Variants in KLHL32 observed in about 807,000 individuals in gnomAD.
KLHL32 encodes the protein kelch like family member 32.
A neutral mutation model predicts 64.8 loss-of-function variants in KLHL32; 35 were observed. That is an observed-to-expected ratio of 0.54 (90% CI 0.41 to 0.72). The LOEUF (loss-of-function observed/expected upper bound fraction) is 0.72. Ranked by LOEUF, KLHL32 falls within the 30% of genes least tolerant of loss-of-function variation. The probability of loss-of-function intolerance (pLI) is 0.00; values close to 1 mark genes in which losing one functional copy is unlikely to be tolerated. For missense variants in KLHL32, 589 were observed against 768.5 expected, an observed-to-expected ratio of 0.77 and a Z score of 2.76; for synonymous variants, 259 against 281.0, an observed-to-expected ratio of 0.92 and a Z score of 0.78.
chr6:97,028,588 A>G (rs1783065418), intron 3 of KLHL32, among the ~76,000 whole-genome samples: 1 of 152,090 alleles, frequency 6.6e-6, no homozygotes, highest in Non-Finnish European at 1.5e-5. Context: ...TCTAATCACA[A>G]CTGCTCAGTC....
intron 1 of KLHL32, among the ~76,000 whole-genome samples, chr6:96,957,958 GTACTTT>G (rs1407273936): frequency 2.0e-5 from 3 of 152,150 alleles, no homozygotes; most frequent in African/African-American, 7.2e-5. Flanking sequence ...AGAATACATT[GTACTTT>G]TACTTTATCT....
chr6:96,981,404 C>T (rs1409663802), intron 3 of KLHL32, among the ~76,000 whole-genome samples: 1 of 151,962 alleles, frequency 6.6e-6, no homozygotes, highest in Non-Finnish European at 1.5e-5. Context: ...GTAATATTCC[C>T]TTTTTCATTT....
chr6:96,904,923 C>A, the KLHL32 span, among the ~76,000 whole-genome samples: 6 of 152,206 alleles, frequency 3.9e-5, no homozygotes, highest in African/African-American at 1.4e-4. Context: ...CCCTTGCTCT[C>A]CATTCCCATT....
intron 6 of KLHL32, among the ~76,000 whole-genome samples, chr6:97,094,273 T>A (rs1442876106): frequency 6.6e-6 from 1 of 152,172 alleles, no homozygotes; most frequent in Non-Finnish European, 1.5e-5. Context: ...TAGGAGAGGA[T>A]GTAAATTTAC....
chr6:97,019,117 A>G (rs1781637777), intron 3 of KLHL32, among the ~76,000 whole-genome samples: 1 of 152,242 alleles, frequency 6.6e-6, no homozygotes, highest in African/African-American at 2.4e-5. Context: ...TATACTTGCA[A>G]TTGTAAAAAA....
chr6:96,915,512 T>C, the KLHL32 span, among the ~76,000 whole-genome samples: 1 of 152,134 alleles, frequency 6.6e-6, no homozygotes, highest in Non-Finnish European at 1.5e-5. Context: ...TCTTTGTGAT[T>C]CCCTCCTCAA....
chr6:97,075,005 G>A (rs1484930806), intron 5 of KLHL32, among the ~76,000 whole-genome samples: 1 of 151,954 alleles, frequency 6.6e-6, no homozygotes, highest in Non-Finnish European at 1.5e-5. Context: ...AGTTATTGTT[G>A]ACGGCTATGT....
At chr6:96,951,109 T>G (rs1200803339) in intron 1 of KLHL32, among the ~76,000 whole-genome samples, 1 of 151,838 alleles carries the variant, frequency 6.6e-6, no homozygotes, top group African/African-American at 2.4e-5. Context: ...TAAAACATGA[T>G]ATTTAAAATT....
chr6:97,109,564 A>G (rs1279673462), intron 6 of KLHL32, among the ~76,000 whole-genome samples: 1 of 152,200 alleles, frequency 6.6e-6, no homozygotes, highest in Admixed American at 6.5e-5. Flanking sequence ...GTTTTTCTTA[A>G]AAGCATAGCT....
In KLHL32 at chr6:97,085,303, G is replaced by T. The variant is rs1011483946; in HGVS notation, c.589G>T (p.Asp197Tyr). The T allele has an allele frequency of 6.2e-7, 1 of 1,612,884 alleles. No individual in the cohort carries two copies. The highest frequency in any genetic ancestry group is 8.5e-7 in the Non-Finnish European group (1 of 1,180,026). The change falls in exon 6 of 11, where the codon GAC becomes TAC. Residue 197 changes from aspartate (D) to tyrosine (Y), a missense_variant. Asp to Tyr is a radical substitution (Grantham distance 160, BLOSUM62 -3). Coordinates refer to ENST00000369261, the MANE Select transcript of KLHL32 (RefSeq NM_052904.4). ...CCTGCTTCAGGAGGTGCTGAAGAGCGACCGCCTGACCTCCCTGAGTGAAGA... is the reference window on the plus strand; with the variant it reads ...CCTGCTTCAGGAGGTGCTGAAGAGCTACCGCCTGACCTCCCTGAGTGAAGA... ...YCLLQEVLKS[D>Y]RLTSLSEEQI...
At chr6:97,048,414 A>G (rs888822691) in intron 4 of KLHL32, among the ~76,000 whole-genome samples, 4 of 152,194 alleles carry the variant, frequency 2.6e-5, no homozygotes, top group African/African-American at 2.4e-5. Flanking sequence ...GAATGCTTCA[A>G]TACGATCTTT....
chr6:97,045,085 G>A (rs1392877857), intron 4 of KLHL32, among the ~76,000 whole-genome samples: 3 of 152,078 alleles, frequency 2.0e-5, no homozygotes, highest in Admixed American at 1.3e-4. Flanking sequence ...TAAGATATGT[G>A]TCTTAGAATA....
chr6:97,038,100 A>G (rs1393315536), intron 3 of KLHL32, among the ~76,000 whole-genome samples: 3 of 152,198 alleles, frequency 2.0e-5, no homozygotes, highest in African/African-American at 4.8e-5. Context: ...GCTCCAGGAC[A>G]TTGGACTGGG....
At chr6:96,984,882 A>T (rs1776812695) in intron 3 of KLHL32, among the ~76,000 whole-genome samples, 1 of 152,156 alleles carries the variant, frequency 6.6e-6, no homozygotes. Flanking sequence ...ATTTAAGGTT[A>T]ATATTGTTAT....
At chr6:97,058,262 G>T (rs564837808) in intron 4 of KLHL32, among the ~76,000 whole-genome samples, 1 of 152,142 alleles carries the variant, frequency 6.6e-6, no homozygotes, top group Non-Finnish European at 1.5e-5. Flanking sequence ...GAATCTGTTT[G>T]TTAATACACA....
In KLHL32 at chr6:97,014,314, T is replaced by C. The variant is rs566753710; in HGVS notation, c.205-27178T>C. Among the ~76,000 whole-genome samples the C allele has an allele frequency of 2.7e-3, 417 of 151,974 alleles. 5 individuals are homozygous for C. The highest frequency in any genetic ancestry group is 9.7e-3 in the African/African-American group (404 of 41,450). On this transcript the variant is annotated intron_variant, in intron 3 of 10. Coordinates refer to ENST00000369261, the MANE Select transcript of KLHL32 (RefSeq NM_052904.4). ...CGTCTCAAAAAAAAAAAAAAAAGTT[T>C]CTTTTTTCGTATCTGTAAATTATTA...
intron 6 of KLHL32, among the ~76,000 whole-genome samples, chr6:97,087,974 G>A (rs563603859): frequency 8.9e-4 from 135 of 152,236 alleles, no homozygotes; most frequent in African/African-American, 3.1e-3. Flanking sequence ...ACCCCAAGAT[G>A]ATGCCTTGGA....
chr6:97,064,475 GAGA>G (rs1319943307), intron 4 of KLHL32, among the ~76,000 whole-genome samples, 150 bp from the exon 5 acceptor site: 1 of 152,190 alleles, frequency 6.6e-6, no homozygotes, highest in African/African-American at 2.4e-5. Context: ...AGAACAGGAA[GAGA>G]AGAACTGACT....
At position 97,100,966 on chromosome 6, in the gene KLHL32, C is replaced by CTTTTTT. The variant is rs58422496; in HGVS notation, c.628-12801_628-12796dup. Among the ~76,000 whole-genome samples, 149 of 69,476 alleles carry CTTTTTT rather than the reference C, an allele frequency of 2.1e-3. 26 individuals carry two copies. The highest frequency in any genetic ancestry group is 5.0e-3 in the South Asian group (8 of 1,598). 45.6% of individuals were successfully genotyped at this position (69,476 alleles called of 152,430 possible). A position where few individuals can be genotyped will look rare whatever the true frequency, so the allele number is the denominator to read the frequency against. On this transcript the variant is annotated intron_variant, in intron 6 of 10. Transcript: ENST00000369261. The stretch of plus-strand genomic sequence containing the variant: ...ACAGGCATGTGCCACTGCAGCCAAG[C>CTTTTTT]TTTTTTTTTTTTTTTTTTTTTGGTA...
Sources: allele counts gnomAD v4.1 joint callset (sites outside exome capture counted in the v4.1 genomes callset), GRCh38; gene constraint gnomAD v4.1.1; transcripts MANE v1.5; gene names NCBI Gene and HGNC (gene_info 2026-07-23, HGNC 2026-07-21).